Variants in DOCK3 observed in about 807,000 individuals in gnomAD.
DOCK3 encodes the protein dedicator of cytokinesis protein 3.
DOCK3 carries 60 observed loss-of-function variants against 265.6 expected under a neutral mutation model. The observed-to-expected ratio is 0.23, with a 90% confidence interval of 0.18 to 0.28. The LOEUF (loss-of-function observed/expected upper bound fraction) is 0.28. Among genes scored for constraint, DOCK3 ranks in the 10% least tolerant of loss-of-function variants. DOCK3 has a pLI of 1.00. For missense variants in DOCK3, 1,981 were observed against 2,594.3 expected, an observed-to-expected ratio of 0.76 and a Z score of 5.14; for synonymous variants, 881 against 938.0, an observed-to-expected ratio of 0.94 and a Z score of 1.11.
chr3:51,050,058 A>T (rs920675228), intron 5 of DOCK3, among the ~76,000 whole-genome samples: 1 of 152,208 alleles, frequency 6.6e-6, no homozygotes, highest in Non-Finnish European at 1.5e-5. Flanking sequence ...ACAGAAATTT[A>T]AACAAATGGA....
intron 1 of DOCK3, among the ~76,000 whole-genome samples, chr3:50,687,670 C>T (rs900306067): frequency 1.3e-5 from 2 of 152,164 alleles, no homozygotes; most frequent in Non-Finnish European, 2.9e-5. Flanking sequence ...CATTTTTTGT[C>T]ATTTTTTGAC....
At chr3:50,900,185 T>C (rs1328529661) in intron 4 of DOCK3, among the ~76,000 whole-genome samples, 1 of 152,240 alleles carries the variant, frequency 6.6e-6, no homozygotes, top group South Asian at 2.1e-4. Context: ...TTTTCATTCT[T>C]TATTCTCTTA....
At chr3:51,008,211 G>A (rs1486470835) in intron 5 of DOCK3, among the ~76,000 whole-genome samples, 5 of 152,086 alleles carry the variant, frequency 3.3e-5, no homozygotes, top group African/African-American at 1.2e-4. Context: ...AAATTACCTT[G>A]GGCAGTATGG....
intron 2 of DOCK3, among the ~76,000 whole-genome samples, chr3:50,791,520 C>T (rs1000725886): frequency 5.3e-5 from 8 of 151,986 alleles, no homozygotes; most frequent in Admixed American, 1.3e-4. Context: ...GTGATCCACC[C>T]GCCTCGGCCT....
intron 2 of DOCK3, among the ~76,000 whole-genome samples, chr3:50,808,566 A>C (rs1277149951): frequency 6.6e-6 from 1 of 152,204 alleles, no homozygotes. Flanking sequence ...TGGCTCACTC[A>C]TGTGTTTCCA....
intron 5 of DOCK3, among the ~76,000 whole-genome samples, chr3:51,051,165 T>G (rs1296187492): frequency 6.6e-6 from 1 of 152,218 alleles, no homozygotes; most frequent in Non-Finnish European, 1.5e-5. Context: ...TATAAAGTTT[T>G]TAAAAATAGA....
At chr3:50,816,681 C>A (rs188756703) in intron 2 of DOCK3, among the ~76,000 whole-genome samples, 2 of 152,154 alleles carry the variant, frequency 1.3e-5, no homozygotes. Context: ...TGTAATTGAT[C>A]ATTTTTTTCT....
chr3:50,795,204 T>C (rs991528310), intron 2 of DOCK3, among the ~76,000 whole-genome samples: 23 of 152,328 alleles, frequency 1.5e-4, no homozygotes, highest in Admixed American at 1.3e-3. Context: ...GATGATTATA[T>C]ATCTTGGAGA....
chr3:51,245,913 G>C (rs1348597345), intron 21 of DOCK3, among the ~76,000 whole-genome samples: 1 of 151,960 alleles, frequency 6.6e-6, no homozygotes, highest in Non-Finnish European at 1.5e-5. Context: ...GTGACACAGG[G>C]GATTAAATAA....
chr3:50,736,263 G>A (rs1427979077), intron 1 of DOCK3, among the ~76,000 whole-genome samples: 1 of 152,116 alleles, frequency 6.6e-6, no homozygotes, highest in African/African-American at 2.4e-5. Context: ...GTATTCCATG[G>A]TGTATATGTG....
At chr3:50,966,887 A>G (rs918822436) in intron 5 of DOCK3, among the ~76,000 whole-genome samples, 8 of 152,034 alleles carry the variant, frequency 5.3e-5, no homozygotes, top group African/African-American at 1.7e-4. Context: ...AACATTTATA[A>G]TGCCATTTTT....
chr3:50,975,312 C>A (rs1367656610), intron 5 of DOCK3, among the ~76,000 whole-genome samples: 10 of 151,212 alleles, frequency 6.6e-5, no homozygotes, highest in Non-Finnish European at 1.5e-4. Context: ...TGAAATATGT[C>A]CCATCAATAC....
chr3:51,174,132 T>G (rs1459677073), intron 12 of DOCK3, among the ~76,000 whole-genome samples: 1 of 152,150 alleles, frequency 6.6e-6, no homozygotes, highest in African/African-American at 2.4e-5. Flanking sequence ...GTATATCTTT[T>G]TAGTTCCTTT....
At chr3:51,133,354 C>T (rs1011777409) in intron 9 of DOCK3, among the ~76,000 whole-genome samples, 1 of 133,830 alleles carries the variant, frequency 7.5e-6, no homozygotes, top group African/African-American at 2.8e-5. Flanking sequence ...TGATGTTCCC[C>T]ACCCTGTGTC....
At chr3:51,139,259 GGA>G (rs1560113422) in intron 9 of DOCK3, among the ~76,000 whole-genome samples, 13 of 150,452 alleles carry the variant, frequency 8.6e-5, no homozygotes, top group Non-Finnish European at 1.6e-4. Flanking sequence ...TGCAGTGGGG[GGA>G]GGGCTAAGAT....
At chr3:51,008,081 C>T (rs1185308399) in intron 5 of DOCK3, among the ~76,000 whole-genome samples, 3 of 152,100 alleles carry the variant, frequency 2.0e-5, no homozygotes, top group East Asian at 3.9e-4. Context: ...GTTGTTTTGG[C>T]TTAGGATTGT....
At chr3:50,855,891 G>A (rs565927711) in intron 3 of DOCK3, among the ~76,000 whole-genome samples, 67 of 152,044 alleles carry the variant, frequency 4.4e-4, no homozygotes, top group African/African-American at 1.5e-3. Context: ...ATGTGTCCAT[G>A]TGTTCTTATC....
At chr3:51,344,759 G>A (rs930020062) in intron 38 of DOCK3, among the ~76,000 whole-genome samples, 9 of 152,142 alleles carry the variant, frequency 5.9e-5, no homozygotes, top group African/African-American at 9.7e-5. Flanking sequence ...GATGCATTGC[G>A]CCTGTAGTAT....
intron 12 of DOCK3, among the ~76,000 whole-genome samples, chr3:51,199,475 G>A (rs946546516): frequency 4.6e-5 from 7 of 152,196 alleles, no homozygotes; most frequent in African/African-American, 9.7e-5. Context: ...AGGCGGCAGC[G>A]AGGCTGGGGG....
Sources: gnomAD v4.1 joint callset for allele counts (sites outside exome capture counted in the v4.1 genomes callset) on GRCh38, gnomAD v4.1.1 for gene constraint, MANE v1.5 for transcripts, NCBI Gene and HGNC (gene_info 2026-07-23, HGNC 2026-07-21) for gene names.